The following PLAAT1 variants were observed in gnomAD, a reference collection of about 807,000 sequenced individuals.
PLAAT1 encodes H-REV107 protein-related protein.
In PLAAT1, 13 loss-of-function variants were observed where a neutral mutation model predicts 16.4. The observed-to-expected ratio is 0.79, with a 90% CI of 0.52 to 1.26. PLAAT1 has a LOEUF of 1.26. Ranked by LOEUF, PLAAT1 falls within the 50% of genes most tolerant of loss-of-function variation. The pLI is 0.00. For missense variants in PLAAT1, 218 were observed against 207.8 expected (o/e 1.05, Z -0.30); for synonymous variants, 73 against 78.4 (o/e 0.93, Z 0.36).
chr3:193,279,520 G>T, downstream of PLAAT1: 1 of 1,303,174 alleles, frequency 7.7e-7, no homozygotes, highest in Non-Finnish European at 1.1e-6. Context: ...GGCACACATT[G>T]CAGAATCAAT....
At chr3:193,250,597 G>A (rs1046146387) in intron 1 of PLAAT1, among the ~76,000 whole-genome samples, 8 of 152,138 alleles carry the variant, frequency 5.3e-5, no homozygotes, top group Non-Finnish European at 8.8e-5. Context: ...AGAGCACTCC[G>A]TGTGTATGGA....
At chr3:193,241,023 T>C (rs1414056776), upstream of PLAAT1, 3 of 393,218 alleles carry the variant, frequency 7.6e-6, no homozygotes, top group Non-Finnish European at 1.3e-5. Flanking sequence ...GCGGAATAAC[T>C]GGTTGCGCGG....
Position 193,256,950 on chromosome 3 carries a change from G to A in PLAAT1, c.139+1161G>A, listed in dbSNP as rs1560101795. The stretch of plus-strand genomic sequence containing the variant: ...ACTGAGAAATCTTCATTGCATCATG[G>A]AGGGAAACTGCAGAAAGAGCTGAGG... On this transcript the variant is annotated intron_variant, in intron 2 of 3. Transcript: ENST00000264735. Among the ~76,000 whole-genome samples the A allele has an allele frequency of 5.3e-5, 8 of 152,116 alleles. 1 individual carries two copies. Among genetic ancestry groups the A allele is most frequent in the Admixed American group, 4.6e-4 (7 of 15,264 alleles).
chr3:193,244,166 G>A (rs1191310093), intron 1 of PLAAT1, among the ~76,000 whole-genome samples: 1 of 151,950 alleles, frequency 6.6e-6, no homozygotes, highest in South Asian at 2.1e-4. Context: ...CCACTTTTGG[G>A]ATATGATGAA....
chr3:193,241,471 G>C lies in PLAAT1; in HGVS notation c.-63G>C. 1.6e-6 allele frequency: 2 copies of C among 1,232,000 alleles called. No homozygotes were observed. The highest frequency in any genetic ancestry group is 2.0e-6 in the Non-Finnish European group (2 of 988,194). 76.3% of individuals were successfully genotyped at this position (1,232,000 alleles called of 1,614,324 possible). On this transcript the variant is annotated 5_prime_UTR_variant, in exon 1 of 4. Transcript: ENST00000264735. ...AAGGTCGGCAGCTGCGAGGCCAAGA[G>C]AGACCCCAGGACACACACAGCTGCC...
At chr3:193,273,034 T>A (rs557939272), downstream of PLAAT1, among the ~76,000 whole-genome samples, 2 of 152,326 alleles carry the variant, frequency 1.3e-5, no homozygotes, top group South Asian at 2.1e-4. Flanking sequence ...ATAAAAATTA[T>A]GAAATAAAGA....
At chr3:193,270,055 T>A (rs1273537658) in intron 3 of PLAAT1, among the ~76,000 whole-genome samples, 2 of 141,444 alleles carry the variant, frequency 1.4e-5, no homozygotes, top group Admixed American at 7.3e-5. Context: ...TTATTTGCTA[T>A]TTGACATCCC....
downstream of PLAAT1, among the ~76,000 whole-genome samples, chr3:193,273,900 C>A (rs746549908): frequency 6.6e-5 from 10 of 152,086 alleles, no homozygotes; most frequent in African/African-American, 2.2e-4. Flanking sequence ...AGTCCCTTTT[C>A]TAGCATTGTT....
chr3:193,258,581 T>C (rs1716466118), intron 2 of PLAAT1, among the ~76,000 whole-genome samples: 1 of 152,090 alleles, frequency 6.6e-6, no homozygotes, highest in African/African-American at 2.4e-5. Context: ...TAACCAGTCC[T>C]ACAGAAATAC....
At chr3:193,240,725 G>A (rs998901750), upstream of PLAAT1, among the ~76,000 whole-genome samples, 11 of 151,124 alleles carry the variant, frequency 7.3e-5, no homozygotes, top group Non-Finnish European at 1.6e-4. Flanking sequence ...GTGTGTGTGT[G>A]TGGTGTGGTG....
At chr3:193,275,339 G>A (rs768062170), downstream of PLAAT1, 52 of 1,602,642 alleles carry the variant, frequency 3.2e-5, no homozygotes, top group African/African-American at 1.2e-4. Context: ...AATTTATTGC[G>A]CAGGTCCCCC....
chr3:193,265,101 C>A (rs1716733681), intron 3 of PLAAT1, among the ~76,000 whole-genome samples: 1 of 152,120 alleles, frequency 6.6e-6, no homozygotes, highest in Admixed American at 6.5e-5. Flanking sequence ...TCTGGCAATT[C>A]CTCTAAAATT....
At chr3:193,271,177 C>CT (rs1241695444), downstream of PLAAT1, among the ~76,000 whole-genome samples, 4 of 152,260 alleles carry the variant, frequency 2.6e-5, no homozygotes, top group African/African-American at 4.8e-5. Flanking sequence ...TTGAGGGACT[C>CT]TAATTTACAA....
chr3:193,267,394 ATT>A (rs35197069), intron 3 of PLAAT1, among the ~76,000 whole-genome samples: 5 of 149,968 alleles, frequency 3.3e-5, no homozygotes, highest in Admixed American at 1.3e-4. Context: ...ACAACCATTG[ATT>A]TTTTTTTTTA....
intron 3 of PLAAT1, among the ~76,000 whole-genome samples, chr3:193,270,256 A>G (rs1435371579): frequency 1.3e-5 from 2 of 152,144 alleles, no homozygotes; most frequent in South Asian, 4.1e-4. Flanking sequence ...ACTACTTATG[A>G]TATCCCAAGT....
chr3:193,251,248 G>A (rs112314068), intron 1 of PLAAT1, among the ~76,000 whole-genome samples: 10 of 152,182 alleles, frequency 6.6e-5, no homozygotes, highest in African/African-American at 2.4e-4. Flanking sequence ...GAGGCCTCCA[G>A]CCTCTTTTCC....
intron 3 of PLAAT1, among the ~76,000 whole-genome samples, chr3:193,269,644 A>G (rs552598441): frequency 6.6e-6 from 1 of 152,302 alleles, no homozygotes; most frequent in Admixed American, 6.5e-5. Context: ...ATTTGGGAAA[A>G]ATATTTTGCT....
chr3:193,252,301 G>A (rs960052055), intron 1 of PLAAT1, among the ~76,000 whole-genome samples: 15 of 152,166 alleles, frequency 9.9e-5, no homozygotes, highest in Non-Finnish European at 1.3e-4. Flanking sequence ...TGATCCACAT[G>A]CTTCCCACCA....
At chr3:193,240,890 T>G (rs2108771540), upstream of PLAAT1, among the ~76,000 whole-genome samples, 1 of 152,054 alleles carries the variant, frequency 6.6e-6, no homozygotes, top group South Asian at 2.1e-4. Flanking sequence ...TCATGATGGG[T>G]GTACCCGAAC....
Sources: gnomAD v4.1 joint callset for allele counts (sites outside exome capture counted in the v4.1 genomes callset) on GRCh38, gnomAD v4.1.1 for gene constraint, MANE v1.5 for transcripts, NCBI Gene and HGNC (gene_info 2026-07-23, HGNC 2026-07-21) for gene names.